CFH: variants seen among roughly 807,000 people sequenced by gnomAD.
The protein encoded by CFH is H factor 1 (complement).
Under a neutral mutation model 147.3 loss-of-function variants are expected in CFH, and 53 were observed. The observed-to-expected ratio is 0.36, with a 90% CI of 0.29 to 0.45. The LOEUF is 0.45. Ranked by LOEUF, CFH falls within the 20% of genes least tolerant of loss-of-function variation. CFH has a pLI of 1.00. For missense variants in CFH, 1,380 were observed against 1,498.0 expected, an observed-to-expected ratio of 0.92 and a Z score of 1.30; for synonymous variants, 536 against 489.4, an observed-to-expected ratio of 1.10 and a Z score of -1.26.
At chr1:196,666,469 T>G (rs1313416925) in intron 1 of CFH, among the ~76,000 whole-genome samples, 1 of 152,028 alleles carries the variant, frequency 6.6e-6, no homozygotes, top group Non-Finnish European at 1.5e-5. Flanking sequence ...TATATTATAT[T>G]TTTCTTTAAC....
chr1:196,737,570 A>C lies in CFH; in HGVS notation c.2692A>C (p.Ser898Arg). 6.2e-7 allele frequency: 1 copy of C among 1,613,352 alleles called. No homozygotes were observed. The highest frequency in any genetic ancestry group is 8.5e-7 in the Non-Finnish European group (1 of 1,179,538). ...QESYAHGTKL[S>R]YTCEGGFRIS... is the part of the protein sequence containing the mutation. ...AAGTTATGCACATGGGACTAAATTG[A>C]GTTATACTTGTGAGGGTGGTTTCAG... The change falls in exon 17 of 22, where the codon AGT becomes CGT. Residue 898 changes from serine to arginine, a missense_variant. By Grantham distance (110) the Ser-to-Arg change is moderately radical. Around this residue, in one of 4 missense-constraint regions of CFH, gnomAD observed 830 missense variants for 821.4 expected, o/e 1.01. Coordinates refer to ENST00000367429, the MANE Select transcript of CFH (RefSeq NM_000186.4).
intron 9 of CFH, among the ~76,000 whole-genome samples, chr1:196,707,433 TGTG>T (rs1668617910): frequency 6.6e-6 from 1 of 152,182 alleles, no homozygotes; most frequent in Admixed American, 6.5e-5. Flanking sequence ...TCCAGCAGAT[TGTG>T]GTATCCAACT....
intron 9 of CFH, among the ~76,000 whole-genome samples, chr1:196,703,210 G>A (rs994870767): frequency 2.6e-5 from 4 of 152,180 alleles, no homozygotes; most frequent in East Asian, 1.9e-4. Context: ...AACAAGGGCC[G>A]TCATCAGACA....
At chr1:196,716,476 T>A (rs1486140831) in intron 11 of CFH, among the ~76,000 whole-genome samples, 1 of 151,694 alleles carries the variant, frequency 6.6e-6, no homozygotes, top group East Asian at 1.9e-4. Context: ...CATAAAAGAG[T>A]TTTAAGAAAA....
At chr1:196,733,589 C>A (rs1338561783) in intron 15 of CFH, among the ~76,000 whole-genome samples, 3 of 152,094 alleles carry the variant, frequency 2.0e-5, no homozygotes, top group Non-Finnish European at 4.4e-5. Context: ...CCTGGAAGTG[C>A]TTACACACCC....
intron 11 of CFH, among the ~76,000 whole-genome samples, chr1:196,716,302 AG>A: frequency 6.6e-6 from 1 of 152,098 alleles, no homozygotes. Context: ...GAGTGTTCCA[AG>A]GCAAAGAAAA....
intron 11 of CFH, among the ~76,000 whole-genome samples, chr1:196,722,348 T>C (rs1669020132): frequency 6.6e-6 from 1 of 152,090 alleles, no homozygotes; most frequent in African/African-American, 2.4e-5. Context: ...ACAAAATATA[T>C]CTCTAATATA....
rs1227859215 is a variant in CFH at position 196,713,737 on chromosome 1, A to G, written c.1339A>G (p.Thr447Ala). ...SPTPRCIRVK[T>A]CSKSSIDIEN... ...TTTCTTATTCTCTTCCCTTTTAGAAACATGTTCCAAATCAAGTATAGATAT... is the reference window on the plus strand; with the variant it reads ...TTTCTTATTCTCTTCCCTTTTAGAAGCATGTTCCAAATCAAGTATAGATAT... The change falls in exon 10 of 22, where the codon ACA becomes GCA. Residue 447 changes from threonine to alanine, a missense_variant and splice_region_variant. By Grantham distance (58) the Thr-to-Ala change is moderately conservative. This residue lies in a region of CFH where 830 missense variants were observed against 821.4 expected (regional missense o/e 1.01). Coordinates refer to ENST00000367429, the MANE Select transcript of CFH (RefSeq NM_000186.4). The G allele has an allele frequency of 2.5e-6, 4 of 1,568,986 alleles. No homozygotes were observed. Among genetic ancestry groups the G allele is most frequent in the African/African-American group, 1.4e-5 (1 of 73,906 alleles).
At chr1:196,739,592 C>T (rs1652732906) in intron 17 of CFH, among the ~76,000 whole-genome samples, 2 of 152,184 alleles carry the variant, frequency 1.3e-5, no homozygotes, top group African/African-American at 4.8e-5. Flanking sequence ...TTGTCCATAT[C>T]ACTGTGAGTA....
intron 1 of CFH, among the ~76,000 whole-genome samples, chr1:196,662,886 T>C (rs1351132694): frequency 2.0e-5 from 3 of 151,788 alleles, no homozygotes; most frequent in Non-Finnish European, 1.5e-5. Context: ...AAAAATAAAA[T>C]AAAATAAATT....
At chr1:196,689,844 T>C (rs1042609187) in intron 8 of CFH, among the ~76,000 whole-genome samples, 2 of 152,092 alleles carry the variant, frequency 1.3e-5, no homozygotes, top group African/African-American at 2.4e-5. Context: ...AATTTATACA[T>C]CTATTAATTA....
chr1:196,690,026 ATTTAC>A, intron 8 of CFH, 32 bp from the exon 9 acceptor site: 1 of 1,556,064 alleles, frequency 6.4e-7, no homozygotes, highest in Non-Finnish European at 8.8e-7. Context: ...TATGTTTCTC[ATTTAC>A]TTTATTTATT....
chr1:196,740,934 C>G, intron 18 of CFH, 142 bp downstream of exon 18: 1 of 839,622 alleles, frequency 1.2e-6, no homozygotes, highest in Non-Finnish European at 1.9e-6. Context: ...GAAATTATAG[C>G]TGTAGTAATT....
chr1:196,724,824 T>C (rs1431896091), intron 11 of CFH, among the ~76,000 whole-genome samples: 1 of 152,166 alleles, frequency 6.6e-6, no homozygotes, highest in Non-Finnish European at 1.5e-5. Context: ...GTAAAAAAAG[T>C]AATATTAAAT....
intron 1 of CFH, among the ~76,000 whole-genome samples, chr1:196,659,539 G>C (rs1315722953): frequency 2.0e-5 from 3 of 152,190 alleles, no homozygotes; most frequent in Non-Finnish European, 4.4e-5. Context: ...TGTGCCCACA[G>C]TAGCAGCTCA....
At chr1:196,746,103 T>A in intron 21 of CFH, 104 bp downstream of exon 21, 1 of 1,579,016 alleles carries the variant, frequency 6.3e-7, no homozygotes, top group Non-Finnish European at 8.7e-7. Flanking sequence ...ACCATTCTGC[T>A]GAATGCTTGC....
intron 11 of CFH, among the ~76,000 whole-genome samples, chr1:196,723,813 G>C (rs909714776): frequency 1.3e-5 from 2 of 151,968 alleles, no homozygotes; most frequent in East Asian, 3.9e-4. Flanking sequence ...GGCTTCATTG[G>C]GCACATGACC....
In CFH at chr1:196,715,674, A is replaced by G. The variant is rs367799322; in HGVS notation, c.1601A>G (p.Tyr534Cys). 6.2e-7 allele frequency: 1 copy of G among 1,612,788 alleles called. No individual in the cohort carries two copies. The highest frequency in any genetic ancestry group is 8.5e-7 in the Non-Finnish European group (1 of 1,179,114). Residue 534 changes from tyrosine (Y) to cysteine (C), a missense_variant, in exon 11 of 22, where the codon TAT becomes TGT. Around this residue, in one of 4 missense-constraint regions of CFH, gnomAD observed 830 missense variants for 821.4 expected, o/e 1.01. Coordinates refer to ENST00000367429, the MANE Select transcript of CFH (RefSeq NM_000186.4). Reference protein sequence around the residue: ...TWFKLNDTLDYECHDGYESNT... With the variant: ...TWFKLNDTLDCECHDGYESNT... ...TTTAAGCTGAATGACACATTGGACT[A>G]TGAATGCCATGATGGTTATGAAAGC...
chr1:196,701,435 G>A, intron 9 of CFH: 2 of 1,515,666 alleles, frequency 1.3e-6, no homozygotes, highest in Non-Finnish European at 1.8e-6. Context: ...TGGGTCCTGA[G>A]TATGGTGACT....
Sources: allele counts gnomAD v4.1 joint callset (sites outside exome capture counted in the v4.1 genomes callset), GRCh38; gene constraint gnomAD v4.1.1; regional missense constraint gnomAD v4.1.1; transcripts MANE v1.5; gene names NCBI Gene and HGNC (gene_info 2026-07-23, HGNC 2026-07-21).